PRKN: variants seen among roughly 807,000 people sequenced by gnomAD.
The protein encoded by PRKN is parkin RBR E3 ubiquitin protein ligase.
Under a neutral mutation model 59.5 loss-of-function variants are expected in PRKN, and 56 were observed. The ratio of observed to expected loss-of-function variants is 0.94; its 90% CI spans 0.76 to 1.18. The LOEUF (loss-of-function observed/expected upper bound fraction) is 1.18, where lower values mean the gene tolerates loss of function less well. PRKN is among the 50% of genes most tolerant of loss of function. The pLI is 0.00. For missense variants in PRKN, 657 were observed against 596.4 expected, an observed-to-expected ratio of 1.10 and a Z score of -1.06; for synonymous variants, 250 against 222.1, an observed-to-expected ratio of 1.13 and a Z score of -1.12.
intron 5 of PRKN, among the ~76,000 whole-genome samples, chr6:161,998,189 C>G (rs1781916751): frequency 6.6e-6 from 1 of 152,012 alleles, no homozygotes. Context: ...GTAACTATAT[C>G]ACTTTTGGAT....
chr6:161,452,009 G>A (rs567810417), intron 9 of PRKN, among the ~76,000 whole-genome samples: 3 of 151,252 alleles, frequency 2.0e-5, no homozygotes, highest in African/African-American at 7.3e-5. Flanking sequence ...AGACTGGAGT[G>A]CAGTGGCATG....
chr6:161,689,959 G>A (rs569040067), intron 7 of PRKN, among the ~76,000 whole-genome samples: 91 of 152,014 alleles, frequency 6.0e-4, no homozygotes, highest in African/African-American at 2.0e-3. Flanking sequence ...ATACACGCCC[G>A]CCTCGGCCTC....
Position 161,372,833 on chromosome 6 carries a change from T to A in PRKN, c.1168-12628A>T, listed in dbSNP as rs917401406. ...AAAGACAGAGAGACCCTATTTTTTTTTTTTTTTTTTTTTTGAGACAGGGTC... is the reference window on the plus strand; with the variant it reads ...AAAGACAGAGAGACCCTATTTTTTTATTTTTTTTTTTTTTGAGACAGGGTC... On this transcript the variant is annotated intron_variant, in intron 10 of 11. Coordinates refer to ENST00000366898, the MANE Select transcript of PRKN (RefSeq NM_004562.3). This position sits in a 1 kb window ranked among gnomAD's most constrained non-coding sequence, Gnocchi z 4.2. 1.3e-5 allele frequency among the ~76,000 whole-genome samples: 2 copies of A among 150,370 alleles called. No individual in the cohort carries two copies. Among genetic ancestry groups the A allele is most frequent in the Non-Finnish European group, 3.0e-5 (2 of 67,436 alleles).
intron 1 of PRKN, among the ~76,000 whole-genome samples, chr6:162,584,278 T>C (rs1780919914): frequency 6.6e-6 from 1 of 151,072 alleles, no homozygotes; most frequent in Non-Finnish European, 1.5e-5. Context: ...TATATTTACA[T>C]ATGCCTGGAC....
chr6:162,053,609 A>G (rs1045574531), intron 5 of PRKN, among the ~76,000 whole-genome samples: 5 of 152,192 alleles, frequency 3.3e-5, no homozygotes, highest in Admixed American at 2.0e-4. Flanking sequence ...CCGGCCACCC[A>G]TACTATATTT....
chr6:162,011,458 T>TATTATA lies in PRKN; in HGVS notation c.619-38042_619-38041insTATAAT, dbSNP rs1253482968. 5.9e-4 allele frequency among the ~76,000 whole-genome samples: 20 copies of TATTATA among 34,044 alleles called. 3 individuals are homozygous for TATTATA. Among genetic ancestry groups the TATTATA allele is most frequent in the African/African-American group, 3.4e-3 (18 of 5,278 alleles). The allele number at this position is 34,044 out of a possible 152,430, so 22.3% of individuals were successfully genotyped here. ...TGTTATATATTTATAATATATAATA[T>TATTATA]ATATATTATAATATATAATATATTA... is the stretch of plus-strand genomic sequence containing the variant. On this transcript the variant is annotated intron_variant, in intron 5 of 11. Coordinates refer to ENST00000366898, the MANE Select transcript of PRKN (RefSeq NM_004562.3).
chr6:162,246,538 TCTC>T (rs1346639146), intron 3 of PRKN, among the ~76,000 whole-genome samples: 2 of 152,094 alleles, frequency 1.3e-5, no homozygotes, highest in Admixed American at 1.3e-4. Flanking sequence ...TAGGGAAAAA[TCTC>T]CTCTTATAGA....
At chr6:162,625,734 T>A (rs2846518) in intron 1 of PRKN, among the ~76,000 whole-genome samples, 2 of 151,756 alleles carry the variant, frequency 1.3e-5, no homozygotes, top group African/African-American at 4.8e-5. Flanking sequence ...AAACTTATGT[T>A]TGCAAAAACA....
intron 7 of PRKN, among the ~76,000 whole-genome samples, chr6:161,730,827 G>A (rs1365007328): frequency 6.6e-6 from 1 of 151,858 alleles, no homozygotes; most frequent in Non-Finnish European, 1.5e-5. Context: ...GCATTCTGAT[G>A]TGTTGCATTC....
chr6:161,572,208 G>A (rs1780917130), intron 7 of PRKN, among the ~76,000 whole-genome samples: 1 of 152,056 alleles, frequency 6.6e-6, no homozygotes, highest in Admixed American at 6.6e-5. Context: ...AAAATTCTAT[G>A]GTCATGTAAA....
In PRKN at chr6:162,243,690, C is replaced by T. The variant is rs1779082807; in HGVS notation, c.412+18835G>A. Among the ~76,000 whole-genome samples, 3 of 152,140 alleles carry T rather than the reference C, an allele frequency of 2.0e-5. No homozygotes were observed. The South Asian group carries it at 6.2e-4, about 31-fold the overall frequency. On this transcript the variant is annotated intron_variant, in intron 3 of 11. Coordinates refer to ENST00000366898, the MANE Select transcript of PRKN (RefSeq NM_004562.3). ...TAATATGCATATTTTAGTGTAACCT[C>T]ATTGTGTCTATAAGGAGGATAATGG...
At chr6:161,595,757 C>T (rs1186368495) in intron 7 of PRKN, among the ~76,000 whole-genome samples, 4 of 152,122 alleles carry the variant, frequency 2.6e-5, no homozygotes, top group Admixed American at 1.3e-4. Flanking sequence ...TTGCAGTGAT[C>T]TTTACTATGC....
chr6:161,388,751 G>A lies in PRKN; in HGVS notation c.1084-1874C>T, dbSNP rs1214965040. Reference sequence around the variant, plus strand: ...TTGAAGCCCAGCTGCCATATGGTAAGGAAGCTCAACAGCCCATGGGAGCCC... The same window carrying A: ...TTGAAGCCCAGCTGCCATATGGTAAAGAAGCTCAACAGCCCATGGGAGCCC... On this transcript the variant is annotated intron_variant, in intron 9 of 11. Transcript: ENST00000366898. The surrounding 1 kb of genome is among the most constrained non-coding windows in gnomAD (Gnocchi z 4.3). 6.6e-6 allele frequency among the ~76,000 whole-genome samples: 1 copy of A among 152,250 alleles called. No individual in the cohort carries two copies. The highest frequency in any genetic ancestry group is 1.9e-4 in the East Asian group (1 of 5,204).
rs919587670 is a variant in PRKN, at chr6:161,484,414, A to C, written c.1083+64440T>G. Among the ~76,000 whole-genome samples the C allele has an allele frequency of 6.6e-6, 1 of 152,130 alleles. No homozygotes were observed. Among genetic ancestry groups the C allele is most frequent in the Non-Finnish European group, 1.5e-5 (1 of 68,030 alleles). The stretch of plus-strand genomic sequence containing the variant: ...TTATTTCCTTTACTAACAATAACTA[A>C]GATGCACTGGGTACGTTACGTGTTA... On this transcript the variant is annotated intron_variant, in intron 9 of 11. Coordinates refer to ENST00000366898, the MANE Select transcript of PRKN (RefSeq NM_004562.3). This position sits in a 1 kb window ranked among gnomAD's most constrained non-coding sequence, Gnocchi z 4.9.
intron 4 of PRKN, among the ~76,000 whole-genome samples, chr6:162,108,686 G>A (rs1780294519): frequency 6.6e-6 from 1 of 152,206 alleles, no homozygotes; most frequent in Non-Finnish European, 1.5e-5. Context: ...TGAGTGCAGT[G>A]ACAAAGAACG....
At chr6:161,477,923 C>A (rs889979434) in intron 9 of PRKN, among the ~76,000 whole-genome samples, 2 of 152,204 alleles carry the variant, frequency 1.3e-5, no homozygotes, top group South Asian at 2.1e-4. Flanking sequence ...CAGGAAAGAG[C>A]GGCATGAAAA....
chr6:161,610,392 G>C (rs1782444315), intron 7 of PRKN, among the ~76,000 whole-genome samples: 1 of 151,308 alleles, frequency 6.6e-6, no homozygotes, highest in African/African-American at 2.4e-5. Context: ...ACAGAAACAG[G>C]GCAGGTATTT....
intron 6 of PRKN, among the ~76,000 whole-genome samples, chr6:161,806,403 C>G (rs1014139513): frequency 1.3e-5 from 2 of 152,228 alleles, no homozygotes; most frequent in African/African-American, 4.8e-5. Context: ...TTTCTCCTTT[C>G]CCAACTCATA....
At chr6:162,692,155 TA>T (rs11311324) in intron 1 of PRKN, among the ~76,000 whole-genome samples, 47,782 of 134,996 alleles carry the variant, frequency 0.35, 8,473 homozygotes, top group Non-Finnish European at 0.43. Context: ...TAAAGTATAA[TA>T]AAAAAAAAAG....
Sources: allele counts gnomAD v4.1 joint callset (sites outside exome capture counted in the v4.1 genomes callset), GRCh38; gene constraint gnomAD v4.1.1; non-coding constraint Gnocchi (gnomAD v3.1); transcripts MANE v1.5; gene names NCBI Gene and HGNC (gene_info 2026-07-23, HGNC 2026-07-21).